Variants in CDH23 observed in about 807,000 individuals in gnomAD.
The protein encoded by CDH23 is cadherin related 23, also known as cadherin-23.
A neutral mutation model predicts 317.1 loss-of-function variants in CDH23; 189 were observed. That is an observed-to-expected ratio of 0.60 (90% CI 0.53 to 0.67). The LOEUF (loss-of-function observed/expected upper bound fraction) is 0.67, where lower values mean the gene tolerates loss of function less well. CDH23 is among the 30% of genes least tolerant of loss of function. The pLI, the probability that CDH23 is intolerant of heterozygous loss-of-function variation, is 0.00. For synonymous variants in CDH23, 1,839 were observed against 1,876.8 expected, an observed-to-expected ratio of 0.98 and a Z score of 0.52; for missense variants, 4,401 against 4,592.4, an observed-to-expected ratio of 0.96 and a Z score of 1.20.
rs2132968723 is a variant in CDH23, at chr10:71,799,571, C to T, written c.7304C>T (p.Ala2435Val). The T allele has an allele frequency of 6.2e-7, 1 of 1,614,068 alleles. No individual in the cohort carries two copies. The highest frequency in any genetic ancestry group is 8.5e-7 in the Non-Finnish European group (1 of 1,179,884). ...TATDADSGNF[A>V]LIEYSLGDGE... ...ACTGATGCTGACTCAGGCAACTTTGCACTCATTGAGTACAGCCTTGGAGAT... is the reference window on the plus strand; with the variant it reads ...ACTGATGCTGACTCAGGCAACTTTGTACTCATTGAGTACAGCCTTGGAGAT... The change falls in exon 52 of 70, where the codon GCA becomes GTA. Residue 2435 changes from alanine to valine, a missense_variant. Around this residue, in one of 3 missense-constraint regions of CDH23, gnomAD observed 189 missense variants for 250.9 expected, o/e 0.75. Coordinates refer to ENST00000224721, the MANE Select transcript of CDH23 (RefSeq NM_022124.6).
chr10:71,435,167 G>C (rs901313255), intron 1 of CDH23, among the ~76,000 whole-genome samples: 10 of 152,194 alleles, frequency 6.6e-5, no homozygotes, highest in African/African-American at 2.4e-4. Flanking sequence ...CTTATTAGCT[G>C]TGTGACCTTG....
At chr10:71,514,613 G>C (rs1589153365) in intron 6 of CDH23, among the ~76,000 whole-genome samples, 1 of 152,256 alleles carries the variant, frequency 6.6e-6, no homozygotes, top group South Asian at 2.1e-4. Context: ...GTGTGTTTGA[G>C]TTTGTTTGTT....
chr10:71,793,136 G>A lies in CDH23; in HGVS notation c.6254-46G>A, dbSNP rs369588980. Reference sequence around the variant, plus strand: ...CAAATGTGTCTTGGTAGATCTTTCTGGAAGAGGCCACTGTGCGCAGCTACT... The same window carrying A: ...CAAATGTGTCTTGGTAGATCTTTCTAGAAGAGGCCACTGTGCGCAGCTACT... On this transcript the variant is annotated intron_variant, in intron 47 of 69. Transcript: ENST00000224721. 1.6e-4 allele frequency: 225 copies of A among 1,431,662 alleles called. No individual in the cohort carries two copies. In the African/African-American group the frequency reaches 2.9e-3, roughly 18 times the overall value. The allele number at this position is 1,431,662 out of a possible 1,614,324, so 88.7% of individuals were successfully genotyped here.
intron 55 of CDH23, among the ~76,000 whole-genome samples, chr10:71,803,859 C>T (rs1841632209): frequency 1.3e-5 from 2 of 149,218 alleles, no homozygotes; most frequent in African/African-American, 5.0e-5. Flanking sequence ...GTGGTGCATG[C>T]CTGTAATCCC....
Position 71,811,939 on chromosome 10 carries a change from ACCCTTCT to A in CDH23, c.9320-11_9320-5del, listed in dbSNP as rs1315342777. 1.2e-6 allele frequency: 2 copies of A among 1,607,676 alleles called. No homozygotes were observed. The highest frequency in any genetic ancestry group is 1.7e-6 in the Non-Finnish European group (2 of 1,177,974). Reference sequence around the variant, plus strand: ...CTATGCCCCTCCCCTCCATGCCCCAACCCTTCTCCCTGCAGGGAATCGTGGCTTCATC... The same window carrying A: ...CTATGCCCCTCCCCTCCATGCCCCAACCCTGCAGGGAATCGTGGCTTCATC... On this transcript the variant is annotated splice_polypyrimidine_tract_variant and intron_variant, in intron 65 of 69. Transcript: ENST00000224721.
At chr10:71,545,871 G>C (rs1856248916) in intron 6 of CDH23, among the ~76,000 whole-genome samples, 1 of 152,162 alleles carries the variant, frequency 6.6e-6, no homozygotes, top group Admixed American at 6.5e-5. Flanking sequence ...CCAGGTAGAG[G>C]ACAGAGTGAT....
intron 9 of CDH23, among the ~76,000 whole-genome samples, chr10:71,581,187 T>G (rs749559724): frequency 2.4e-4 from 37 of 152,238 alleles, no homozygotes; most frequent in Non-Finnish European, 4.4e-4. Flanking sequence ...CACAGCTGAT[T>G]GCCCCAAGCT....
intron 6 of CDH23, among the ~76,000 whole-genome samples, chr10:71,514,453 C>T (rs1389209369): frequency 6.6e-6 from 1 of 152,158 alleles, no homozygotes; most frequent in Non-Finnish European, 1.5e-5. Flanking sequence ...ACATGACCCA[C>T]CTGGACCCAA....
At position 71,694,176 on chromosome 10, in the gene CDH23, C is replaced by T. The variant is rs1230303971; in HGVS notation, c.2206C>T (p.Arg736Ter). Residue 736 changes from arginine to a stop codon, truncating the protein, a stop_gained, in exon 21 of 70, where the codon CGA (arginine) becomes TGA (stop). Coordinates refer to ENST00000224721, the MANE Select transcript of CDH23 (RefSeq NM_022124.6). LOFTEE classifies it high-confidence loss of function. ...AATCACCACCACGTCTCTGCTTGAC[C>T]GAGAGACCAAGTCTGAATACATCCT... ...GEITTTSLLD[R>*]ETKSEYILIV... The T allele has an allele frequency of 5.6e-6, 9 of 1,613,794 alleles. No individual in the cohort carries two copies. The highest frequency in any genetic ancestry group is 7.6e-6 in the Non-Finnish European group (9 of 1,179,862).
intron 52 of CDH23, 50 bp downstream of exon 52, chr10:71,799,679 T>C: frequency 6.2e-7 from 1 of 1,612,748 alleles, no homozygotes; most frequent in Non-Finnish European, 8.5e-7. Flanking sequence ...GGACCCAGGG[T>C]CAGAGACTGA....
At chr10:71,803,143 C>A in intron 54 of CDH23, 66 bp from the exon 55 acceptor site, 1 of 1,603,200 alleles carries the variant, frequency 6.2e-7, no homozygotes, top group African/African-American at 1.3e-5. Flanking sequence ...CCAGCCCAGG[C>A]CAGGAGTAGA....
At chr10:71,561,584 A>T (rs1857133614) in intron 6 of CDH23, among the ~76,000 whole-genome samples, 1 of 152,158 alleles carries the variant, frequency 6.6e-6, no homozygotes, top group Admixed American at 6.5e-5. Flanking sequence ...TAGCAAAAAG[A>T]TTTATTTGTC....
At chr10:71,431,914 A>G (rs917097068) in intron 1 of CDH23, among the ~76,000 whole-genome samples, 4 of 152,184 alleles carry the variant, frequency 2.6e-5, no homozygotes, top group Non-Finnish European at 4.4e-5. Context: ...AGAACTGCCT[A>G]TTTCCCAAAA....
intron 19 of CDH23, among the ~76,000 whole-genome samples, chr10:71,688,845 G>T (rs2132699180): frequency 7.7e-6 from 1 of 130,344 alleles, no homozygotes; most frequent in East Asian, 2.4e-4. Flanking sequence ...GTCAGGGGTG[G>T]TGGAGTCAGG....
rs189921207 is a variant in CDH23, at chr10:71,397,832, C to T, written c.-6+514C>T. Among the ~76,000 whole-genome samples, 20 of 152,238 alleles carry T rather than the reference C, an allele frequency of 1.3e-4. No individual in the cohort carries two copies. The East Asian group carries it at 3.1e-3, about 24-fold the overall frequency. On this transcript the variant is annotated intron_variant, in intron 1 of 69. Coordinates refer to ENST00000224721, the MANE Select transcript of CDH23 (RefSeq NM_022124.6). The surrounding 1 kb of genome is among the most constrained non-coding windows in gnomAD (Gnocchi z 4.8). ...CTAAAGGCACGTAGTTCTCCCCTCC[C>T]CTCATCAAGTCCCTGTGCCCGCGGG...
In CDH23 at chr10:71,628,160, C is replaced by T. The variant is rs192319810; in HGVS notation, c.1134+10767C>T. On this transcript the variant is annotated intron_variant, in intron 11 of 69. Transcript: ENST00000224721. ...GTCTCACCCCATCGCCATCATGGGC[C>T]GTGAAATGTCCTAATCAACAAGTAA... 5.6e-4 allele frequency among the ~76,000 whole-genome samples: 86 copies of T among 152,350 alleles called. 1 individual carries two copies. Among genetic ancestry groups the T allele is most frequent in the Middle Eastern group, 3.4e-3 (1 of 294 alleles).
intron 8 of CDH23, among the ~76,000 whole-genome samples, chr10:71,576,577 G>T (rs746954869): frequency 6.6e-6 from 1 of 152,136 alleles, no homozygotes; most frequent in Admixed American, 6.5e-5. Context: ...GGACACAAGA[G>T]CCCTTCATTA....
At chr10:71,731,863 CA>C in intron 31 of CDH23, 123 bp from the exon 32 acceptor site, 1 of 944,084 alleles carries the variant, frequency 1.1e-6, no homozygotes, top group East Asian at 2.6e-5. Context: ...ATCCTGCCGG[CA>C]GAGGTGGGGC....
intron 1 of CDH23, among the ~76,000 whole-genome samples, chr10:71,430,480 A>G (rs1441220495): frequency 6.6e-6 from 1 of 152,178 alleles, no homozygotes; most frequent in Non-Finnish European, 1.5e-5. Flanking sequence ...GAACAAAGAT[A>G]TTTGTCGTGG....
Sources: gnomAD v4.1 joint callset for allele counts (sites outside exome capture counted in the v4.1 genomes callset) on GRCh38, gnomAD v4.1.1 for gene constraint, gnomAD v4.1.1 regional missense constraint, Gnocchi (gnomAD v3.1) non-coding constraint, MANE v1.5 for transcripts, NCBI Gene and HGNC (gene_info 2026-07-23, HGNC 2026-07-21) for gene names.